SMG6: variants seen among roughly 807,000 people sequenced by gnomAD.
SMG6 encodes the protein telomerase-binding protein EST1A.
A neutral mutation model predicts 142.2 loss-of-function variants in SMG6; 66 were observed. That is an observed-to-expected ratio of 0.46 (90% CI 0.38 to 0.57). SMG6 has a LOEUF of 0.57. SMG6 is among the 20% of genes least tolerant of loss of function. SMG6 has a pLI of 0.00. For synonymous variants in SMG6, 779 were observed against 702.4 expected (o/e 1.11, Z -1.72); for missense variants, 1,793 against 1,832.0 (o/e 0.98, Z 0.39).
chr17:2,106,225 G>C (rs2069151592), intron 13 of SMG6, among the ~76,000 whole-genome samples: 1 of 152,068 alleles, frequency 6.6e-6, no homozygotes, highest in African/African-American at 2.4e-5. Context: ...TTTTCTTCTT[G>C]TCTCTTTTCT....
chr17:2,093,982 G>C (rs2068792284), intron 13 of SMG6, among the ~76,000 whole-genome samples: 1 of 152,114 alleles, frequency 6.6e-6, no homozygotes, highest in Non-Finnish European at 1.5e-5. Context: ...GGGGAGGAAA[G>C]ACCTTGCCTC....
intron 14 of SMG6, among the ~76,000 whole-genome samples, chr17:2,082,639 CA>C (rs2068456171): frequency 6.6e-6 from 1 of 152,188 alleles, no homozygotes; most frequent in African/African-American, 2.4e-5. Context: ...GCTGGTGGCA[CA>C]TTCCCCAAGG....
chr17:2,267,901 C>CTG (rs775518795), intron 8 of SMG6, among the ~76,000 whole-genome samples: 1,524 of 152,008 alleles, frequency 0.01, 29 homozygotes, highest in African/African-American at 0.034. Flanking sequence ...GCGCCTGCCA[C>CTG]CACACCCGGC....
intron 13 of SMG6, among the ~76,000 whole-genome samples, chr17:2,164,906 C>A (rs2071287343): frequency 6.6e-6 from 1 of 151,752 alleles, no homozygotes; most frequent in South Asian, 2.1e-4. Context: ...CACTGTACTC[C>A]AGCGTGGGCG....
intron 10 of SMG6, among the ~76,000 whole-genome samples, chr17:2,192,153 A>G (rs924266793): frequency 1.3e-5 from 2 of 152,236 alleles, no homozygotes; most frequent in Non-Finnish European, 2.9e-5. Flanking sequence ...GAGAGGGAAG[A>G]GCAGGGGATG....
rs1012481223 is a variant in SMG6, at chr17:2,065,519, G to A, written c.3996C>T (p.Gly1332=). Residue 1332 remains glycine (G), a synonymous_variant, in exon 17 of 19, where the codon GGC becomes GGT. Transcript: ENST00000263073. The stretch of plus-strand genomic sequence containing the variant: ...GGAAGGCGATGGATTCGAGTTCATT[G>A]CCACGGCTGGTCAGGGCTCGCAGGC... ...DSCLRALTSR[G]NELESIAFRS... 3.7e-6 allele frequency: 6 copies of A among 1,613,784 alleles called. No homozygotes were observed. The highest frequency in any genetic ancestry group is 5.1e-6 in the Non-Finnish European group (6 of 1,180,012).
At chr17:2,290,817 C>T (rs1037194983) in intron 6 of SMG6, among the ~76,000 whole-genome samples, 4 of 152,180 alleles carry the variant, frequency 2.6e-5, no homozygotes, top group African/African-American at 9.7e-5. Flanking sequence ...CTGAACACCT[C>T]ACTGAATAAG....
chr17:2,303,172 T>A, intron 1 of SMG6: 1 of 985,324 alleles, frequency 1.0e-6, no homozygotes. Context: ...GGGGGAAAAG[T>A]TCAGCAACGA....
intron 13 of SMG6, among the ~76,000 whole-genome samples, chr17:2,095,838 G>A (rs1279827516): frequency 1.5e-5 from 2 of 135,834 alleles, no homozygotes; most frequent in Non-Finnish European, 3.1e-5. Context: ...GCAAACCCTC[G>A]CCCACCCACC....
Position 2,163,773 on chromosome 17 carries a change from T to C in SMG6, c.3357+8885A>G, listed in dbSNP as rs117403131. ...CTGGTAACTCACCGCCCTTATCTTA[T>C]TCTGTTTCTTGAGCTGCTTGCTTGG... On this transcript the variant is annotated intron_variant, in intron 13 of 18. Transcript: ENST00000263073. Among the ~76,000 whole-genome samples the C allele has an allele frequency of 1.6e-4, 24 of 152,226 alleles. No individual in the cohort carries two copies. In the East Asian group the frequency reaches 4.6e-3, roughly 29 times the overall value.
intron 10 of SMG6, among the ~76,000 whole-genome samples, chr17:2,209,223 T>C (rs1454054139): frequency 6.6e-6 from 1 of 152,130 alleles, no homozygotes; most frequent in Non-Finnish European, 1.5e-5. Context: ...TTTTCTGGTT[T>C]TGTATTGAGA....
intron 8 of SMG6, among the ~76,000 whole-genome samples, chr17:2,248,868 A>G (rs962124838): frequency 1.3e-5 from 2 of 151,674 alleles, no homozygotes; most frequent in Admixed American, 6.6e-5. Context: ...GTCAACTAGC[A>G]CTGAGACAGA....
At chr17:2,088,565 A>C (rs1010058545) in intron 13 of SMG6, 9 of 985,316 alleles carry the variant, frequency 9.1e-6, no homozygotes, top group Middle Eastern at 5.2e-4. Context: ...GGGGTCTCTG[A>C]CCTGGTGTTA....
chr17:2,086,250 AG>A (rs1212306614), intron 13 of SMG6, among the ~76,000 whole-genome samples: 2 of 152,346 alleles, frequency 1.3e-5, no homozygotes, highest in African/African-American at 4.8e-5. Flanking sequence ...GAACCAGCAG[AG>A]GGAAGAGTGG....
Position 2,300,183 on chromosome 17 carries a change from T to C in SMG6, c.570A>G (p.Glu190=). The change falls in exon 2 of 19, where the codon GAA becomes GAG. Residue 190 remains glutamate (E), a synonymous_variant. Coordinates refer to ENST00000263073, the MANE Select transcript of SMG6 (RefSeq NM_017575.5). ...DECRGNVAKE[E]VANKPDRAEI... is the part of the protein sequence containing the mutation. The stretch of plus-strand genomic sequence containing the variant: ...CAGCCCTGTCTGGTTTATTCGCAAC[T>C]TCCTCCTTCGCAACATTTCCCCTAC... 1 of 1,613,906 alleles carries C rather than the reference T, an allele frequency of 6.2e-7. No individual in the cohort carries two copies. The highest frequency in any genetic ancestry group is 1.1e-5 in the South Asian group (1 of 91,070).
chr17:2,300,242 G>T lies in SMG6; in HGVS notation c.511C>A (p.Gln171Lys). Residue 171 changes from glutamine (Q) to lysine (K), a missense_variant, in exon 2 of 19, where the codon CAG becomes AAG. Gln to Lys is a moderately conservative substitution (Grantham distance 53). Coordinates refer to ENST00000263073, the MANE Select transcript of SMG6 (RefSeq NM_017575.5). ...TCCTCTACTCTCAGTTGTTCTACCT[G>T]GTTGAGGACTTCTTCCTCCTCCACC... ...SRVEEEEVLN[Q>K]VEQLRVEEDE... is the part of the protein sequence containing the mutation. The T allele has an allele frequency of 6.2e-7, 1 of 1,614,086 alleles. No homozygotes were observed. The highest frequency in any genetic ancestry group is 8.5e-7 in the Non-Finnish European group (1 of 1,180,046).
intron 13 of SMG6, among the ~76,000 whole-genome samples, chr17:2,163,784 G>T (rs2151630882): frequency 6.6e-6 from 1 of 150,836 alleles, no homozygotes; most frequent in Middle Eastern, 3.4e-3. Flanking sequence ...TCTGTTTCTT[G>T]AGCTGCTTGC....
intron 6 of SMG6, among the ~76,000 whole-genome samples, chr17:2,286,020 A>G (rs534735471): frequency 1.8e-4 from 28 of 152,298 alleles, no homozygotes; most frequent in Admixed American, 1.7e-3. Context: ...AAAAAAAAGA[A>G]AACAATTCCT....
At chr17:2,189,420 G>A (rs2072092217) in intron 10 of SMG6, among the ~76,000 whole-genome samples, 1 of 152,166 alleles carries the variant, frequency 6.6e-6, no homozygotes, top group African/African-American at 2.4e-5. Flanking sequence ...ACACACAGAA[G>A]GCAGCAGTCC....
Sources: allele counts gnomAD v4.1 joint callset (sites outside exome capture counted in the v4.1 genomes callset), GRCh38; gene constraint gnomAD v4.1.1; transcripts MANE v1.5; gene names NCBI Gene and HGNC (gene_info 2026-07-23, HGNC 2026-07-21).